PRKCQ: variants seen among roughly 807,000 people sequenced by gnomAD.
The protein encoded by PRKCQ is protein kinase C theta type.
A neutral mutation model predicts 91.2 loss-of-function variants in PRKCQ; 41 were observed. The observed-to-expected ratio is 0.45, with a 90% CI of 0.35 to 0.58. The LOEUF is 0.58. Among genes scored for constraint, PRKCQ ranks in the 20% least tolerant of loss-of-function variants. PRKCQ has a pLI of 0.00. For synonymous variants in PRKCQ, 307 were observed against 316.9 expected (o/e 0.97, Z 0.33); for missense variants, 673 against 896.5 (o/e 0.75, Z 3.18).
intron 8 of PRKCQ, among the ~76,000 whole-genome samples, chr10:6,487,740 G>A (rs897812270): frequency 1.3e-5 from 2 of 152,118 alleles, no homozygotes; most frequent in African/African-American, 2.4e-5. Context: ...GCTCACACCT[G>A]TAATCCCAGC....
the PRKCQ span, among the ~76,000 whole-genome samples, chr10:6,404,420 TTC>T: frequency 2.7e-5 from 4 of 149,460 alleles, no homozygotes; most frequent in East Asian, 2.0e-4. Context: ...TCTTTCTTTT[TTC>T]TCTTTCTTTC....
the PRKCQ span, among the ~76,000 whole-genome samples, chr10:6,415,058 G>C: frequency 1.3e-5 from 2 of 152,026 alleles, no homozygotes; most frequent in Non-Finnish European, 2.9e-5. Context: ...CGTCTCCTGG[G>C]TTCAAGCTAT....
chr10:6,575,985 A>C (rs755632148), intron 1 of PRKCQ, among the ~76,000 whole-genome samples: 15 of 152,206 alleles, frequency 9.9e-5, no homozygotes, highest in Non-Finnish European at 2.2e-4. Context: ...GGTTGCAGTG[A>C]GCTGAGATCA....
At chr10:6,481,365 A>G (rs933714547) in intron 11 of PRKCQ, among the ~76,000 whole-genome samples, 3 of 152,250 alleles carry the variant, frequency 2.0e-5, no homozygotes, top group Admixed American at 6.5e-5. Flanking sequence ...CCATAAACTA[A>G]GAAGCCAAAA....
At chr10:6,475,872 C>T (rs1463368174) in intron 12 of PRKCQ, among the ~76,000 whole-genome samples, 2 of 152,176 alleles carry the variant, frequency 1.3e-5, no homozygotes, top group Non-Finnish European at 2.9e-5. Flanking sequence ...TTGTTTCTTT[C>T]CTCTTTCTAA....
At chr10:6,420,963 T>C in the PRKCQ span, among the ~76,000 whole-genome samples, 1 of 152,198 alleles carries the variant, frequency 6.6e-6, no homozygotes, top group Non-Finnish European at 1.5e-5. Flanking sequence ...TCTTATACTA[T>C]GTCTTTCATG....
chr10:6,443,501 GCAA>G (rs1321189824), intron 15 of PRKCQ, among the ~76,000 whole-genome samples: 1 of 152,210 alleles, frequency 6.6e-6, no homozygotes, highest in East Asian at 1.9e-4. Flanking sequence ...ATCTCTACTT[GCAA>G]CAACATGGAT....
intron 15 of PRKCQ, among the ~76,000 whole-genome samples, chr10:6,443,635 G>A (rs998053773): frequency 2.0e-5 from 3 of 152,326 alleles, no homozygotes; most frequent in Non-Finnish European, 4.4e-5. Context: ...AGTGGCAGTC[G>A]CCAGGGTCTG....
At chr10:6,438,289 G>T (rs760026723) in intron 16 of PRKCQ, among the ~76,000 whole-genome samples, 28 of 152,360 alleles carry the variant, frequency 1.8e-4, no homozygotes, top group Non-Finnish European at 3.8e-4. Flanking sequence ...TTTTATTAGA[G>T]AGGTGGAAGT....
chr10:6,485,099 G>T, intron 10 of PRKCQ, 53 bp downstream of exon 10: 1 of 1,487,770 alleles, frequency 6.7e-7, no homozygotes, highest in Admixed American at 1.7e-5. Flanking sequence ...TTAGGTTAGG[G>T]TTAATTGAGA....
Position 6,576,187 on chromosome 10 carries a change from CCCACAATT to C in PRKCQ, c.-10+4016_-10+4023del, listed in dbSNP as rs1296014227. ...ATTAAACATAGAATTACCCTACGACCCCACAATTCTACTGCTGGGTACATACCCCAAAG... is the reference window on the plus strand; with the variant it reads ...ATTAAACATAGAATTACCCTACGACCCTACTGCTGGGTACATACCCCAAAG... On this transcript the variant is annotated intron_variant, in intron 1 of 17. Coordinates refer to ENST00000263125, the MANE Select transcript of PRKCQ (RefSeq NM_006257.5). The surrounding 1 kb of genome is among the most constrained non-coding windows in gnomAD (Gnocchi z 4.2). 6.6e-6 allele frequency among the ~76,000 whole-genome samples: 1 copy of C among 152,180 alleles called. No homozygotes were observed. The highest frequency in any genetic ancestry group is 1.5e-5 in the Non-Finnish European group (1 of 68,038).
At chr10:6,401,447 C>T in the PRKCQ span, among the ~76,000 whole-genome samples, 2 of 152,010 alleles carry the variant, frequency 1.3e-5, no homozygotes, top group Non-Finnish European at 2.9e-5. Flanking sequence ...GACTTGAACA[C>T]ATGGTTAATA....
intron 1 of PRKCQ, among the ~76,000 whole-genome samples, chr10:6,563,168 A>G (rs1383031521): frequency 6.6e-6 from 1 of 151,938 alleles, no homozygotes; most frequent in Non-Finnish European, 1.5e-5. Context: ...GAAGATATTC[A>G]GTCGAAAGTG....
intron 7 of PRKCQ, among the ~76,000 whole-genome samples, chr10:6,495,887 G>C (rs1004635322): frequency 1.3e-5 from 2 of 152,156 alleles, no homozygotes; most frequent in African/African-American, 2.4e-5. Context: ...TAGAAGCCCA[G>C]ACTTCCCCAC....
chr10:6,578,109 G>C (rs1225342516), intron 1 of PRKCQ, among the ~76,000 whole-genome samples: 1 of 152,242 alleles, frequency 6.6e-6, no homozygotes, highest in Non-Finnish European at 1.5e-5. Context: ...ACAAGAGACA[G>C]AGAGTATTAT....
chr10:6,538,545 G>C (rs939312437), intron 1 of PRKCQ, among the ~76,000 whole-genome samples: 1 of 152,178 alleles, frequency 6.6e-6, no homozygotes, highest in East Asian at 1.9e-4. Context: ...CCCCTCCCTG[G>C]CTCCTCCTGC....
At position 6,577,540 on chromosome 10, in the gene PRKCQ, TAC is replaced by T. The variant is rs1428322819; in HGVS notation, c.-10+2669_-10+2670del. On this transcript the variant is annotated intron_variant, in intron 1 of 17. Coordinates refer to ENST00000263125, the MANE Select transcript of PRKCQ (RefSeq NM_006257.5). ...AATTTCTCTATTTTAAATTACAGAT[TAC>T]ACACACACATACACACACACACGGA... Among the ~76,000 whole-genome samples, 3 of 152,038 alleles carry T rather than the reference TAC, an allele frequency of 2.0e-5. No homozygotes were observed. The East Asian group carries it at 5.8e-4, about 29-fold the overall frequency.
chr10:6,534,767 C>CATAT (rs1042829245), intron 1 of PRKCQ, among the ~76,000 whole-genome samples: 3 of 94,806 alleles, frequency 3.2e-5, no homozygotes, highest in South Asian at 8.3e-4. Context: ...TAAATAGAAA[C>CATAT]ATATATCTAT....
At chr10:6,572,504 G>A (rs1328556559) in intron 1 of PRKCQ, among the ~76,000 whole-genome samples, 1 of 152,182 alleles carries the variant, frequency 6.6e-6, no homozygotes, top group Non-Finnish European at 1.5e-5. Flanking sequence ...CTGCTCCTGT[G>A]TTAGTTTGCT....
Sources: gnomAD v4.1 joint callset for allele counts (sites outside exome capture counted in the v4.1 genomes callset) on GRCh38, gnomAD v4.1.1 for gene constraint, Gnocchi (gnomAD v3.1) non-coding constraint, MANE v1.5 for transcripts, NCBI Gene and HGNC (gene_info 2026-07-23, HGNC 2026-07-21) for gene names.